ANKFN1: variants seen among roughly 807,000 people sequenced by gnomAD.
ANKFN1 encodes ankyrin repeat and fibronectin type III domain containing 1.
Under a neutral mutation model 108.7 loss-of-function variants are expected in ANKFN1, and 74 were observed. The ratio of observed to expected loss-of-function variants is 0.68; its 90% CI spans 0.56 to 0.83. The LOEUF is 0.83. Ranked by LOEUF, ANKFN1 falls within the 40% of genes least tolerant of loss-of-function variation. The probability of loss-of-function intolerance (pLI) is 0.00; values close to 1 mark genes in which losing one functional copy is unlikely to be tolerated. For missense variants in ANKFN1, 1,505 were observed against 1,382.3 expected, an observed-to-expected ratio of 1.09 and a Z score of -1.41; for synonymous variants, 547 against 516.2, an observed-to-expected ratio of 1.06 and a Z score of -0.81.
chr17:56,448,342 A>C (rs1174273575), intron 10 of ANKFN1, among the ~76,000 whole-genome samples: 1 of 152,132 alleles, frequency 6.6e-6, no homozygotes, highest in Admixed American at 6.5e-5. Context: ...TTAGTCCCAT[A>C]TGGGTTATTA....
chr17:56,398,212 A>G (rs748291147), intron 8 of ANKFN1, among the ~76,000 whole-genome samples: 18 of 152,204 alleles, frequency 1.2e-4, no homozygotes, highest in Non-Finnish European at 2.1e-4. Flanking sequence ...TGAGTAGCCC[A>G]GTACCTGGCA....
rs566611357 is a variant in ANKFN1, at chr17:56,212,103, T to C, written c.-70-495T>C. On this transcript the variant is annotated intron_variant, in intron 1 of 20. Coordinates refer to ENST00000682825, the MANE Select transcript of ANKFN1 (RefSeq NM_001370326.1). The stretch of plus-strand genomic sequence containing the variant: ...TGAATAGAAGCAGCGAGAGTGGGCA[T>C]CCTTGTCTTGTTCCAGTTCTCGGGG... 3.9e-5 allele frequency among the ~76,000 whole-genome samples: 6 copies of C among 152,078 alleles called. No homozygotes were observed. The East Asian group carries it at 1.2e-3, about 29-fold the overall frequency.
At chr17:56,223,250 GA>G (rs893932077) in intron 2 of ANKFN1, among the ~76,000 whole-genome samples, 5 of 152,170 alleles carry the variant, frequency 3.3e-5, no homozygotes. Flanking sequence ...ATTACTTCTG[GA>G]AAACGGGGGT....
At chr17:56,320,442 C>T (rs909475823) in intron 3 of ANKFN1, among the ~76,000 whole-genome samples, 5 of 151,960 alleles carry the variant, frequency 3.3e-5, no homozygotes, top group Admixed American at 6.6e-5. Context: ...TATATGGGGC[C>T]GAGCAGATAA....
At chr17:56,370,669 A>G (rs970007206) in intron 6 of ANKFN1, among the ~76,000 whole-genome samples, 1 of 152,176 alleles carries the variant, frequency 6.6e-6, no homozygotes, top group African/African-American at 2.4e-5. Flanking sequence ...GAAAACTGTG[A>G]CACAAACTCT....
chr17:56,083,806 C>A (rs1905276691), intron 4 of ANKFN1, among the ~76,000 whole-genome samples: 1 of 151,350 alleles, frequency 6.6e-6, no homozygotes, highest in Non-Finnish European at 1.5e-5. Flanking sequence ...TACATAGGAC[C>A]TTTGTTTGTG....
chr17:56,105,711 C>CTGTCTGTGTGTG (rs1555594332), intron 4 of ANKFN1, among the ~76,000 whole-genome samples: 3,836 of 144,628 alleles, frequency 0.027, 164 homozygotes, highest in African/African-American at 0.082. Flanking sequence ...GTTTTTTTGT[C>CTGTCTGTGTGTG]TGTGTGTGTG....
chr17:56,389,295 G>A (rs916868062), intron 8 of ANKFN1, among the ~76,000 whole-genome samples: 1 of 152,112 alleles, frequency 6.6e-6, no homozygotes, highest in Non-Finnish European at 1.5e-5. Context: ...AAGTAAAAAA[G>A]GCAATCCCAG....
intron 8 of ANKFN1, among the ~76,000 whole-genome samples, chr17:56,392,977 G>T (rs2047482156): frequency 6.6e-6 from 1 of 152,066 alleles, no homozygotes; most frequent in African/African-American, 2.4e-5. Flanking sequence ...CTGAATAGCA[G>T]CTCTTCTAAT....
At chr17:56,266,242 G>A (rs144861199) in intron 3 of ANKFN1, among the ~76,000 whole-genome samples, 1 of 152,148 alleles carries the variant, frequency 6.6e-6, no homozygotes, top group East Asian at 1.9e-4. Flanking sequence ...CTCATTGCAC[G>A]AGCACTGTAT....
intron 2 of ANKFN1, among the ~76,000 whole-genome samples, chr17:56,213,028 T>C (rs771721148): frequency 6.6e-6 from 1 of 152,186 alleles, no homozygotes; most frequent in Non-Finnish European, 1.5e-5. Flanking sequence ...TTCCAGGCAG[T>C]GCACTAACTT....
At chr17:56,360,732 T>C (rs1364399180) in intron 6 of ANKFN1, among the ~76,000 whole-genome samples, 1 of 152,234 alleles carries the variant, frequency 6.6e-6, no homozygotes, top group Non-Finnish European at 1.5e-5. Flanking sequence ...AAACATCAGA[T>C]GGCCAAAACC....
chr17:56,227,799 A>G, intron 2 of ANKFN1, 118 bp from the exon 3 acceptor site: 1 of 778,166 alleles, frequency 1.3e-6, no homozygotes, highest in African/African-American at 1.8e-5. Flanking sequence ...ATTCATCTGT[A>G]GGCTAGGCTT....
In ANKFN1 at chr17:56,196,580, T is replaced by A. The variant is rs534289258; in HGVS notation, c.-70-16018T>A. ...GAGACCCCTGTCACTACAAAATTTTTAAAAAAAAATTTAGCAGAGCATGGC... is the reference window on the plus strand; with the variant it reads ...GAGACCCCTGTCACTACAAAATTTTAAAAAAAAAATTTAGCAGAGCATGGC... On this transcript the variant is annotated intron_variant, in intron 1 of 20. Transcript: ENST00000682825. Among the ~76,000 whole-genome samples the A allele has an allele frequency of 3.4e-4, 52 of 151,704 alleles. No homozygotes were observed. The South Asian group carries it at 3.5e-3, about 10-fold the overall frequency.
intron 4 of ANKFN1, among the ~76,000 whole-genome samples, chr17:56,084,598 T>C (rs1040679364): frequency 6.6e-6 from 1 of 151,388 alleles, no homozygotes; most frequent in African/African-American, 2.4e-5. Flanking sequence ...GGCCTGGTCC[T>C]TCCTGCGTGT....
chr17:56,298,063 G>A (rs1444666558), intron 3 of ANKFN1, among the ~76,000 whole-genome samples: 1 of 152,194 alleles, frequency 6.6e-6, no homozygotes, highest in South Asian at 2.1e-4. Context: ...TTGGAAACTT[G>A]GTAAAAATGC....
intron 3 of ANKFN1, among the ~76,000 whole-genome samples, chr17:56,311,733 C>T (rs1003636721): frequency 7.9e-5 from 12 of 152,138 alleles, no homozygotes; most frequent in African/African-American, 2.9e-4. Context: ...ATAAAATTAC[C>T]TTCAGGGTAT....
At chr17:56,472,395 A>G (rs534006825) in intron 15 of ANKFN1, 2 of 152,222 alleles carry the variant, frequency 1.3e-5, no homozygotes, top group Non-Finnish European at 2.9e-5. Context: ...GTAGTTATTG[A>G]AAAAGCAACT....
intron 1 of ANKFN1, among the ~76,000 whole-genome samples, chr17:56,179,487 G>A (rs1024497563): frequency 2.6e-5 from 4 of 151,982 alleles, no homozygotes; most frequent in African/African-American, 9.7e-5. Flanking sequence ...AAGTGCTAGA[G>A]GGGGGATAAA....
Sources: gnomAD v4.1 joint callset for allele counts (sites outside exome capture counted in the v4.1 genomes callset) on GRCh38, gnomAD v4.1.1 for gene constraint, MANE v1.5 for transcripts, NCBI Gene and HGNC (gene_info 2026-07-23, HGNC 2026-07-21) for gene names.